PACRG: variants seen among roughly 807,000 people sequenced by gnomAD.
The protein encoded by PACRG is parkin coregulated gene protein.
In PACRG, 29 loss-of-function variants were observed where a neutral mutation model predicts 29.7. That is an observed-to-expected ratio of 0.98 (90% confidence interval 0.73 to 1.33). The LOEUF (loss-of-function observed/expected upper bound fraction) is 1.33. Ranked by LOEUF, PACRG falls within the 40% of genes most tolerant of loss-of-function variation. The probability of loss-of-function intolerance (pLI) is 0.00; values close to 1 mark genes in which losing one functional copy is unlikely to be tolerated. For synonymous variants in PACRG, 116 were observed against 118.7 expected (o/e 0.98, Z 0.15); for missense variants, 279 against 316.2 (o/e 0.88, Z 0.89).
chr6:163,133,901 T>C (rs1366215737), intron 4 of PACRG, among the ~76,000 whole-genome samples: 2 of 152,236 alleles, frequency 1.3e-5, no homozygotes, highest in Non-Finnish European at 1.5e-5. Context: ...CGTAAACATT[T>C]AAAACAGGGT....
chr6:163,095,346 G>A, intron 4 of PACRG: 3 of 985,370 alleles, frequency 3.0e-6, no homozygotes, highest in Non-Finnish European at 3.6e-6. Context: ...CTCCCTGGTT[G>A]CGCCTGCCCG....
intron 1 of PACRG, among the ~76,000 whole-genome samples, chr6:162,795,661 G>A (rs1266843769): frequency 2.0e-5 from 3 of 151,988 alleles, no homozygotes; most frequent in African/African-American, 7.3e-5. Flanking sequence ...ATAGTATTAT[G>A]TTTATAAATT....
chr6:163,150,876 T>G (rs1778055703), intron 4 of PACRG, among the ~76,000 whole-genome samples: 1 of 152,224 alleles, frequency 6.6e-6, no homozygotes, highest in African/African-American at 2.4e-5. Context: ...TGACCTAGGG[T>G]AATGTTTTCT....
chr6:163,071,700 GA>G (rs34031093), intron 3 of PACRG, among the ~76,000 whole-genome samples: 65 of 140,772 alleles, frequency 4.6e-4, no homozygotes, highest in Admixed American at 1.1e-3. Context: ...ATCTAAGTTA[GA>G]AAAAAAAAAA....
chr6:162,936,235 C>T (rs1418007857), intron 2 of PACRG, among the ~76,000 whole-genome samples: 1 of 152,158 alleles, frequency 6.6e-6, no homozygotes, highest in Non-Finnish European at 1.5e-5. Flanking sequence ...TCAGGTCCCT[C>T]CCACAACACA....
chr6:162,804,844 C>G (rs2175896), intron 1 of PACRG, among the ~76,000 whole-genome samples: 64,122 of 151,996 alleles, frequency 0.42, 15,029 homozygotes, highest in African/African-American at 0.62. Flanking sequence ...GTCATGTATT[C>G]CTTAAATGTG....
intron 1 of PACRG, among the ~76,000 whole-genome samples, chr6:162,770,222 T>A (rs1424848258): frequency 6.6e-6 from 1 of 152,192 alleles, no homozygotes; most frequent in African/African-American, 2.4e-5. Flanking sequence ...TTCCACCAGG[T>A]ATCCTTTTCC....
chr6:163,181,786 G>A (rs1449195616), intron 4 of PACRG, among the ~76,000 whole-genome samples: 1 of 152,056 alleles, frequency 6.6e-6, no homozygotes, highest in African/African-American at 2.4e-5. Flanking sequence ...CGGGGAAAAA[G>A]TCCAGCATAC....
At chr6:162,960,763 A>G (rs1396145626) in intron 2 of PACRG, among the ~76,000 whole-genome samples, 1 of 152,206 alleles carries the variant, frequency 6.6e-6, no homozygotes, top group African/African-American at 2.4e-5. Context: ...ATTGGCTAAC[A>G]TAATTTAAAA....
chr6:162,943,471 C>A (rs1798774872), intron 2 of PACRG, among the ~76,000 whole-genome samples: 1 of 152,128 alleles, frequency 6.6e-6, no homozygotes, highest in South Asian at 2.1e-4. Context: ...TCCCCAGCTG[C>A]CTGCGTATGG....
chr6:163,154,945 T>C (rs968308606), intron 4 of PACRG, among the ~76,000 whole-genome samples: 5 of 151,234 alleles, frequency 3.3e-5, no homozygotes, highest in Non-Finnish European at 7.4e-5. Flanking sequence ...TTAGAGGAGA[T>C]GAGCACTTTT....
At chr6:162,818,366 A>G (rs1404354457) in intron 2 of PACRG, among the ~76,000 whole-genome samples, 4 of 152,102 alleles carry the variant, frequency 2.6e-5, no homozygotes, top group Non-Finnish European at 5.9e-5. Flanking sequence ...TATAAATCGC[A>G]CACTTCTAAT....
At chr6:162,932,807 T>C (rs2128107576) in intron 2 of PACRG, among the ~76,000 whole-genome samples, 1 of 152,094 alleles carries the variant, frequency 6.6e-6, no homozygotes, top group Admixed American at 6.5e-5. Context: ...CAATTTTGCT[T>C]ATCTTTAAAA....
chr6:162,868,275 A>T (rs1792472850), intron 2 of PACRG, among the ~76,000 whole-genome samples: 1 of 150,336 alleles, frequency 6.7e-6, no homozygotes, highest in Admixed American at 6.6e-5. Flanking sequence ...CGTGGTTTTA[A>T]ATCCTGGCCT....
intron 4 of PACRG, among the ~76,000 whole-genome samples, chr6:163,197,507 G>A (rs1472966240): frequency 2.8e-5 from 4 of 143,194 alleles, no homozygotes; most frequent in Non-Finnish European, 3.0e-5. Context: ...GCAGTGGCGC[G>A]ATCTCGGCTC....
chr6:163,083,453 G>A (rs1813262538), intron 3 of PACRG, among the ~76,000 whole-genome samples: 1 of 152,052 alleles, frequency 6.6e-6, no homozygotes, highest in African/African-American at 2.4e-5. Flanking sequence ...GATGTCTCAT[G>A]TCTCCATAAA....
chr6:163,152,482 A>C (rs766319122), intron 4 of PACRG, among the ~76,000 whole-genome samples: 4 of 152,240 alleles, frequency 2.6e-5, no homozygotes, highest in Non-Finnish European at 5.9e-5. Context: ...TAACACATCT[A>C]GATCCCTCAG....
At chr6:163,241,936 A>G (rs553347784) in intron 4 of PACRG, among the ~76,000 whole-genome samples, 1 of 152,314 alleles carries the variant, frequency 6.6e-6, no homozygotes, top group African/African-American at 2.4e-5. Flanking sequence ...GCAGAAAAGA[A>G]AGTGAAGGGG....
intron 1 of PACRG, among the ~76,000 whole-genome samples, chr6:162,791,384 C>A (rs1481737832): frequency 7.0e-6 from 1 of 142,836 alleles, no homozygotes; most frequent in African/African-American, 2.6e-5. Flanking sequence ...ATCTTAGTGT[C>A]ACCTTTGATT....
Sources: allele counts gnomAD v4.1 joint callset (sites outside exome capture counted in the v4.1 genomes callset), GRCh38; gene constraint gnomAD v4.1.1; transcripts MANE v1.5; gene names NCBI Gene and HGNC (gene_info 2026-07-23, HGNC 2026-07-21).